DDX1: variants seen among roughly 807,000 people sequenced by gnomAD.
DDX1 encodes ATP-dependent RNA helicase DDX1.
DDX1 carries 28 observed loss-of-function variants against 108.7 expected under a neutral mutation model. The ratio of observed to expected loss-of-function variants is 0.26; its 90% CI spans 0.19 to 0.35. The LOEUF (loss-of-function observed/expected upper bound fraction) is 0.35, where lower values mean the gene tolerates loss of function less well. Ranked by LOEUF, DDX1 falls within the 10% of genes least tolerant of loss-of-function variation. DDX1 has a pLI of 1.00. For missense variants in DDX1, 710 were observed against 884.5 expected, an observed-to-expected ratio of 0.80 and a Z score of 2.50; for synonymous variants, 295 against 288.9, an observed-to-expected ratio of 1.02 and a Z score of -0.21.
In DDX1 at chr2:15,628,658, G is replaced by A. The variant is rs759875462; in HGVS notation, c.1780G>A (p.Asp594Asn). ...TATAGTTATAAATGTCACTCTGCCC[G>A]ATGAAAAGCAAAACTACGTACATCG... ...VPYVINVTLP[D>N]EKQNYVHRIG... is the part of the protein sequence containing the mutation. Residue 594 changes from aspartate (D) to asparagine (N), a missense_variant, in exon 22 of 26, where the codon GAT (aspartate) becomes AAT (asparagine). This residue lies in a region of DDX1 where 661 missense variants were observed against 810.2 expected (regional missense o/e 0.82). Coordinates refer to ENST00000233084, the MANE Select transcript of DDX1 (RefSeq NM_004939.3). 1.4e-5 allele frequency: 22 copies of A among 1,612,380 alleles called. No individual in the cohort carries two copies. Among genetic ancestry groups the A allele is most frequent in the African/African-American group, 1.1e-4 (8 of 74,858 alleles).
intron 14 of DDX1, among the ~76,000 whole-genome samples, chr2:15,616,338 C>G (rs1306400689): frequency 6.6e-6 from 1 of 152,164 alleles, no homozygotes; most frequent in African/African-American, 2.4e-5. Context: ...GGTACTCTTC[C>G]CCATTTTTAC....
At chr2:15,608,663 G>GTTTTGTTTT (rs1665706326) in intron 13 of DDX1, among the ~76,000 whole-genome samples, 3 of 106,724 alleles carry the variant, frequency 2.8e-5, no homozygotes, top group Admixed American at 1.1e-4. Flanking sequence ...TTTTTTTTAG[G>GTTTTGTTTT]TTTTTTTTTT....
At chr2:15,600,718 CT>C (rs1453745537) in intron 6 of DDX1, among the ~76,000 whole-genome samples, 4 of 127,630 alleles carry the variant, frequency 3.1e-5, no homozygotes, top group Non-Finnish European at 3.4e-5. Context: ...GGACTGTATA[CT>C]TTTTTTCTTA....
At chr2:15,597,328 C>G in intron 4 of DDX1, 47 bp from the exon 5 acceptor site, 1 of 1,159,252 alleles carries the variant, frequency 8.6e-7, no homozygotes, top group Non-Finnish European at 1.3e-6. Context: ...ATTAAATTGT[C>G]GTTAATATGT....
At chr2:15,595,648 T>C (rs552065992) in intron 3 of DDX1, 95 bp downstream of exon 3, 12 of 881,740 alleles carry the variant, frequency 1.4e-5, no homozygotes, top group East Asian at 4.8e-5. Flanking sequence ...TTCACAAACA[T>C]TTATGATACA....
chr2:15,623,970 G>A (rs1666053496), intron 19 of DDX1, among the ~76,000 whole-genome samples: 1 of 152,018 alleles, frequency 6.6e-6, no homozygotes, highest in African/African-American at 2.4e-5. Flanking sequence ...GAAAGGAAGG[G>A]GAATAAAATG....
At chr2:15,627,394 T>C in intron 20 of DDX1, 1 of 300,680 alleles carries the variant, frequency 3.3e-6, no homozygotes. Context: ...TTTAGTTAAA[T>C]TATTTCAGGT....
chr2:15,614,858 A>G (rs969243147), intron 14 of DDX1, among the ~76,000 whole-genome samples: 6 of 152,196 alleles, frequency 3.9e-5, no homozygotes, highest in East Asian at 1.9e-4. Flanking sequence ...TTTATTCCCA[A>G]TCTTGCTTCC....
intron 25 of DDX1, 111 bp downstream of exon 25, chr2:15,630,221 CG>C: frequency 1.8e-6 from 2 of 1,117,398 alleles, no homozygotes; most frequent in Non-Finnish European, 2.6e-6. Flanking sequence ...ATATTTTTAG[CG>C]TGTTAATCAT....
chr2:15,595,443 G>A (rs376588276), intron 2 of DDX1, 47 bp from the exon 3 acceptor site: 53 of 1,508,240 alleles, frequency 3.5e-5, no homozygotes, highest in Non-Finnish European at 4.2e-5. Context: ...TTGCTTAGGC[G>A]ATTTTTTTCC....
At chr2:15,593,216 T>G (rs542183826) in intron 1 of DDX1, among the ~76,000 whole-genome samples, 6 of 152,292 alleles carry the variant, frequency 3.9e-5, no homozygotes, top group Admixed American at 1.3e-4. Context: ...TCTGACTGTT[T>G]CAGTTACATC....
chr2:15,592,100 G>A, intron 1 of DDX1, 151 bp downstream of exon 1: 1 of 750,380 alleles, frequency 1.3e-6, no homozygotes, highest in Non-Finnish European at 1.9e-6. Flanking sequence ...GACCCGCGTT[G>A]CGGGATCAGG....
In DDX1 at chr2:15,603,824, G is replaced by A; in HGVS notation, c.486G>A (p.Lys162=). 6.2e-7 allele frequency: 1 copy of A among 1,609,032 alleles called. No homozygotes were observed. The highest frequency in any genetic ancestry group is 8.5e-7 in the Non-Finnish European group (1 of 1,177,270). The part of the protein sequence containing the change: ...MQASLDLGTD[K]FGFGFGGTGK... Reference sequence around the variant, plus strand: ...ATTTTTTAAATCTAGGTACTGACAAGTTTGGATTTGGCTTTGGTGGAACAG... The same window carrying A: ...ATTTTTTAAATCTAGGTACTGACAAATTTGGATTTGGCTTTGGTGGAACAG... Residue 162 remains lysine, a synonymous_variant, in exon 9 of 26, where the codon AAG becomes AAA. Coordinates refer to ENST00000233084, the MANE Select transcript of DDX1 (RefSeq NM_004939.3).
intron 6 of DDX1, among the ~76,000 whole-genome samples, chr2:15,601,251 ATGTT>A (rs1665585312): frequency 6.6e-6 from 1 of 152,126 alleles, no homozygotes; most frequent in African/African-American, 2.4e-5. Flanking sequence ...TAACAGACAC[ATGTT>A]TGTTTATTCT....
chr2:15,616,737 A>G (rs1468323233), intron 14 of DDX1, among the ~76,000 whole-genome samples: 1 of 152,208 alleles, frequency 6.6e-6, no homozygotes, highest in African/African-American at 2.4e-5. Context: ...CACCATTACT[A>G]TTAACTATAA....
chr2:15,607,887 C>T (rs952706010), intron 13 of DDX1, among the ~76,000 whole-genome samples: 6 of 152,168 alleles, frequency 3.9e-5, no homozygotes, highest in African/African-American at 1.4e-4. Flanking sequence ...ATTTCATTCA[C>T]TGTTAAATTT....
chr2:15,594,122 C>T (rs574167904), intron 1 of DDX1, among the ~76,000 whole-genome samples: 2 of 151,796 alleles, frequency 1.3e-5, no homozygotes, highest in African/African-American at 4.8e-5. Context: ...GTTAGGAGAG[C>T]CTTCTTTGAA....
rs751730431 is a variant in DDX1 at position 15,603,765 on chromosome 2, A to G, written c.476-49A>G. On this transcript the variant is annotated intron_variant, in intron 8 of 25. Transcript: ENST00000233084. Reference sequence around the variant, plus strand: ...AAATTACTTCTTTTAGAGGTCTTTTAATTTTATATTTTCTCTTACCAGAAA... The same window carrying G: ...AAATTACTTCTTTTAGAGGTCTTTTGATTTTATATTTTCTCTTACCAGAAA... 4.1e-5 allele frequency: 52 copies of G among 1,281,130 alleles called. No individual in the cohort carries two copies. The South Asian group carries it at 6.1e-4, about 15-fold the overall frequency. The allele number at this position is 1,281,130 out of a possible 1,614,324, so 79.4% of individuals were successfully genotyped here. A position where few individuals can be genotyped will look rare whatever the true frequency, so the allele number is the denominator to read the frequency against.
At chr2:15,621,733 A>G (rs190529167) in intron 18 of DDX1, among the ~76,000 whole-genome samples, 2 of 150,540 alleles carry the variant, frequency 1.3e-5, no homozygotes, top group East Asian at 2.0e-4. Flanking sequence ...GCTCACCACA[A>G]CCTCTGCCTC....
Sources: allele counts gnomAD v4.1 joint callset (sites outside exome capture counted in the v4.1 genomes callset), GRCh38; gene constraint gnomAD v4.1.1; regional missense constraint gnomAD v4.1.1; transcripts MANE v1.5; gene names NCBI Gene and HGNC (gene_info 2026-07-23, HGNC 2026-07-21).